CEP112: variants seen among roughly 807,000 people sequenced by gnomAD.
CEP112 encodes the protein centrosomal protein 112.
In CEP112, 127 loss-of-function variants were observed where a neutral mutation model predicts 153.0. The ratio of observed to expected loss-of-function variants is 0.83; its 90% confidence interval spans 0.72 to 0.96. The LOEUF (loss-of-function observed/expected upper bound fraction) is 0.96. Among genes scored for constraint, CEP112 ranks in the 40% least tolerant of loss-of-function variants. The pLI is 0.00. For missense variants in CEP112, 1,089 were observed against 1,101.2 expected (o/e 0.99, Z 0.16); for synonymous variants, 358 against 374.4 (o/e 0.96, Z 0.51).
chr17:66,001,167 G>C (rs1039451495), intron 17 of CEP112, among the ~76,000 whole-genome samples: 1 of 152,170 alleles, frequency 6.6e-6, no homozygotes, highest in Non-Finnish European at 1.5e-5. Context: ...GAGACCTGAG[G>C]GGCTGGCACA....
intron 20 of CEP112, among the ~76,000 whole-genome samples, chr17:65,894,479 G>T (rs2059593572): frequency 6.6e-6 from 1 of 151,958 alleles, no homozygotes. Flanking sequence ...CATGCAATAG[G>T]ATCCTCATTC....
At chr17:65,689,390 C>T (rs1244848165) in intron 23 of CEP112, among the ~76,000 whole-genome samples, 172 bp from the exon 24 acceptor site, 1 of 151,934 alleles carries the variant, frequency 6.6e-6, no homozygotes, top group Non-Finnish European at 1.5e-5. Flanking sequence ...ATGTTTTCTG[C>T]TTTAAGAATA....
intron 21 of CEP112, among the ~76,000 whole-genome samples, chr17:65,801,334 A>T (rs1056473041): frequency 6.6e-6 from 1 of 152,196 alleles, no homozygotes; most frequent in Non-Finnish European, 1.5e-5. Context: ...TTGGGATTAC[A>T]GGCATGAGCC....
intron 24 of CEP112, among the ~76,000 whole-genome samples, chr17:65,649,281 C>T (rs551183585): frequency 5.3e-5 from 8 of 152,302 alleles, no homozygotes; most frequent in African/African-American, 9.6e-5. Flanking sequence ...GTGCCTAACA[C>T]GGAATTGTCT....
intron 17 of CEP112, among the ~76,000 whole-genome samples, chr17:65,994,664 G>A (rs942595932): frequency 1.3e-5 from 2 of 152,094 alleles, no homozygotes; most frequent in African/African-American, 2.4e-5. Context: ...TGTCCACAAC[G>A]TACAGAAAAA....
chr17:66,138,707 T>TA (rs200626409), intron 4 of CEP112, among the ~76,000 whole-genome samples: 38 of 149,888 alleles, frequency 2.5e-4, no homozygotes, highest in Admixed American at 1.1e-3. Context: ...ACACAAAACA[T>TA]AAAAAAAAAG....
intron 20 of CEP112, among the ~76,000 whole-genome samples, chr17:65,883,313 C>G (rs1436741165): frequency 1.3e-5 from 2 of 150,684 alleles, no homozygotes; most frequent in Non-Finnish European, 3.0e-5. Context: ...ACACACACTT[C>G]ATCTATATAC....
At chr17:65,906,935 ATT>A (rs2060106306) in intron 19 of CEP112, among the ~76,000 whole-genome samples, 1 of 152,244 alleles carries the variant, frequency 6.6e-6, no homozygotes, top group African/African-American at 2.4e-5. Flanking sequence ...AATCAAAATC[ATT>A]TAAGCATGTA....
chr17:65,713,301 T>C (rs1178454881), intron 23 of CEP112, among the ~76,000 whole-genome samples: 1 of 152,214 alleles, frequency 6.6e-6, no homozygotes, highest in Non-Finnish European at 1.5e-5. Context: ...ATTGCTGTTT[T>C]TATTCTGGGG....
chr17:65,869,368 C>T (rs2058577944), intron 20 of CEP112, among the ~76,000 whole-genome samples: 1 of 152,106 alleles, frequency 6.6e-6, no homozygotes, highest in Non-Finnish European at 1.5e-5. Flanking sequence ...ATCATTAGCC[C>T]ATCTTGTGGT....
At chr17:65,967,414 C>A (rs2144852774) in intron 17 of CEP112, among the ~76,000 whole-genome samples, 1 of 152,252 alleles carries the variant, frequency 6.6e-6, no homozygotes, top group African/African-American at 2.4e-5. Flanking sequence ...GTTCTGGGAG[C>A]AGAAACAAGG....
chr17:65,968,235 A>C (rs569731250), intron 17 of CEP112, among the ~76,000 whole-genome samples: 1 of 152,264 alleles, frequency 6.6e-6, no homozygotes, highest in East Asian at 1.9e-4. Flanking sequence ...AGTAAACCAA[A>C]GCCAGATCAA....
At chr17:65,675,863 C>T (rs559932821) in intron 24 of CEP112, among the ~76,000 whole-genome samples, 8 of 151,872 alleles carry the variant, frequency 5.3e-5, no homozygotes, top group Admixed American at 5.2e-4. Context: ...CATATGATTA[C>T]TTCAAAAGAT....
At chr17:65,853,011 T>C (rs2058018368) in intron 20 of CEP112, among the ~76,000 whole-genome samples, 1 of 152,238 alleles carries the variant, frequency 6.6e-6, no homozygotes, top group Non-Finnish European at 1.5e-5. Context: ...TTTTTGTCTT[T>C]GACTTATGAA....
At chr17:65,771,556 A>G (rs1237244432) in intron 21 of CEP112, among the ~76,000 whole-genome samples, 1 of 152,242 alleles carries the variant, frequency 6.6e-6, no homozygotes, top group Non-Finnish European at 1.5e-5. Context: ...TAATCAAGAT[A>G]GACCATATTC....
chr17:66,154,814 G>A (rs1486146504), intron 4 of CEP112, among the ~76,000 whole-genome samples: 1 of 152,122 alleles, frequency 6.6e-6, no homozygotes, highest in Non-Finnish European at 1.5e-5. Flanking sequence ...GATACCAGTT[G>A]CTATGGTTTC....
intron 24 of CEP112, among the ~76,000 whole-genome samples, chr17:65,678,638 T>C (rs2047353428): frequency 6.6e-6 from 1 of 152,194 alleles, no homozygotes; most frequent in Non-Finnish European, 1.5e-5. Context: ...GAGATCTGTG[T>C]GCTCCTGCGG....
intron 23 of CEP112, among the ~76,000 whole-genome samples, chr17:65,727,825 G>T (rs2050264752): frequency 1.3e-5 from 2 of 152,190 alleles, no homozygotes; most frequent in African/African-American, 4.8e-5. Context: ...AGTGACAGCT[G>T]ACATCACAGA....
intron 10 of CEP112, 77 bp from the exon 11 acceptor site, chr17:66,063,158 G>C: frequency 1.8e-6 from 1 of 541,866 alleles, no homozygotes; most frequent in East Asian, 3.1e-5. Context: ...TAGTGCACCA[G>C]TTAGTAGGTA....
Sources: gnomAD v4.1 joint callset for allele counts (sites outside exome capture counted in the v4.1 genomes callset) on GRCh38, gnomAD v4.1.1 for gene constraint, MANE v1.5 for transcripts, NCBI Gene and HGNC (gene_info 2026-07-23, HGNC 2026-07-21) for gene names.